GALNT16: variants seen among roughly 807,000 people sequenced by gnomAD.
GALNT16 encodes the protein UDP-GalNAc:polypeptide N-acetylgalactosaminyltransferase-like protein 1.
GALNT16 carries 40 observed loss-of-function variants against 76.1 expected under a neutral mutation model. The observed-to-expected ratio is 0.53, with a 90% CI of 0.41 to 0.68. GALNT16 has a LOEUF of 0.68. Ranked by LOEUF, GALNT16 falls within the 30% of genes least tolerant of loss-of-function variation. The pLI is 0.00. For missense variants in GALNT16, 621 were observed against 731.9 expected, an observed-to-expected ratio of 0.85 and a Z score of 1.75; for synonymous variants, 276 against 285.2, an observed-to-expected ratio of 0.97 and a Z score of 0.32.
intron 1 of GALNT16, among the ~76,000 whole-genome samples, chr14:69,318,460 C>T (rs1378180577): frequency 6.6e-6 from 1 of 152,028 alleles, no homozygotes; most frequent in Non-Finnish European, 1.5e-5. Context: ...ATAGGAGGCG[C>T]TTGGTGGAGC....
chr14:69,260,180 C>T lies in GALNT16; in HGVS notation c.-111C>T. ...TCTCTCCTTTTTCTGCTCTGCAGGA[C>T]TGAGCAGCTAGGCGCGAGCGAAAAC... On this transcript the variant is annotated 5_prime_UTR_variant, in exon 1 of 15. Coordinates refer to ENST00000448469, the MANE Select transcript of GALNT16 (RefSeq NM_001168368.2). 2 of 443,300 alleles carry T rather than the reference C, an allele frequency of 4.5e-6. No homozygotes were observed. The highest frequency in any genetic ancestry group is 1.7e-5 in the South Asian group (1 of 60,420). The allele number at this position is 443,300 out of a possible 1,614,324, so 27.5% of individuals were successfully genotyped here. A position where few individuals can be genotyped will look rare whatever the true frequency, so the allele number is the denominator to read the frequency against.
chr14:69,318,971 C>T (rs1380407352), intron 1 of GALNT16, among the ~76,000 whole-genome samples: 2 of 152,244 alleles, frequency 1.3e-5, no homozygotes, highest in Non-Finnish European at 2.9e-5. Flanking sequence ...TCCTTCCTTC[C>T]TTCCATCTTC....
intron 1 of GALNT16, among the ~76,000 whole-genome samples, chr14:69,263,896 T>C (rs986430703): frequency 1.3e-5 from 2 of 152,226 alleles, no homozygotes; most frequent in African/African-American, 4.8e-5. Flanking sequence ...CTGTACCCGA[T>C]GCAGCGAGGC....
chr14:69,343,129 T>C (rs1016658746), intron 12 of GALNT16, among the ~76,000 whole-genome samples: 3 of 152,236 alleles, frequency 2.0e-5, no homozygotes, highest in African/African-American at 7.2e-5. Context: ...GCCTCAATCA[T>C]GTCTAAAAGC....
the GALNT16 span, among the ~76,000 whole-genome samples, chr14:69,371,142 A>G: frequency 2.0e-5 from 3 of 152,222 alleles, no homozygotes; most frequent in Non-Finnish European, 2.9e-5. Flanking sequence ...TTGCCTGAGC[A>G]GCTGGTGACT....
At chr14:69,365,769 C>G in the GALNT16 span, among the ~76,000 whole-genome samples, 9 of 150,104 alleles carry the variant, frequency 6.0e-5, no homozygotes, top group Non-Finnish European at 1.3e-4. Flanking sequence ...GCACATGTAC[C>G]CCTGAGCTTA....
intron 12 of GALNT16, among the ~76,000 whole-genome samples, chr14:69,342,952 T>C (rs1401846008): frequency 6.6e-6 from 1 of 152,340 alleles, no homozygotes; most frequent in African/African-American, 2.4e-5. Flanking sequence ...CGGCATTATC[T>C]GGCCAATTAA....
At chr14:69,382,557 G>T in the GALNT16 span, among the ~76,000 whole-genome samples, 6 of 151,998 alleles carry the variant, frequency 3.9e-5, no homozygotes, top group Non-Finnish European at 8.8e-5. Context: ...AGTAGGCCAG[G>T]TGCCAGTGGC....
chr14:69,318,776 T>A (rs754557152), intron 1 of GALNT16, among the ~76,000 whole-genome samples: 4 of 152,238 alleles, frequency 2.6e-5, no homozygotes, highest in African/African-American at 4.8e-5. Context: ...TTTCTTTAAT[T>A]TTAGCTCCTT....
Position 69,339,589 on chromosome 14 carries a change from G to A in GALNT16, c.1157G>A (p.Arg386Gln), listed in dbSNP as rs2045458915. ...TACAAGCAATACTACTATGAGGCCC[G>A]GCCCTCGGCCATCGGGAAGGCCTTC... ...DEYKQYYYEA[R>Q]PSAIGKAFGS... The change falls in exon 11 of 15, where the codon CGG becomes CAG. Residue 386 changes from arginine to glutamine, a missense_variant. Physicochemically the swap from Arg to Gln is conservative, Grantham distance 43. Coordinates refer to ENST00000448469, the MANE Select transcript of GALNT16 (RefSeq NM_001168368.2). 1.2e-6 allele frequency: 2 copies of A among 1,609,796 alleles called. No homozygotes were observed. Among genetic ancestry groups the A allele is most frequent in the Non-Finnish European group, 1.7e-6 (2 of 1,177,366 alleles).
chr14:69,264,809 C>CTTTTTTTTTTTTTTT (rs2044320233), intron 1 of GALNT16, among the ~76,000 whole-genome samples: 1 of 54,364 alleles, frequency 1.8e-5, no homozygotes, highest in Non-Finnish European at 2.9e-5. Context: ...TTTCTCTTTT[C>CTTTTTTTTTTTTTTT]TTTTTCTTTC....
At chr14:69,336,859 G>A (rs1040545789) in intron 9 of GALNT16, among the ~76,000 whole-genome samples, 2 of 151,864 alleles carry the variant, frequency 1.3e-5, no homozygotes, top group Non-Finnish European at 2.9e-5. Flanking sequence ...CAAATAGCTG[G>A]GACTACAGGT....
At chr14:69,273,415 T>A (rs2044431189) in intron 1 of GALNT16, among the ~76,000 whole-genome samples, 1 of 152,134 alleles carries the variant, frequency 6.6e-6, no homozygotes, top group Admixed American at 6.6e-5. Flanking sequence ...TGGAGCACTG[T>A]GGTGAGGATT....
At chr14:69,307,292 T>G (rs2044949987) in intron 1 of GALNT16, among the ~76,000 whole-genome samples, 1 of 152,196 alleles carries the variant, frequency 6.6e-6, no homozygotes, top group Non-Finnish European at 1.5e-5. Context: ...CTCGAGCAGC[T>G]ACTGTGTGCC....
At chr14:69,375,105 A>T in the GALNT16 span, among the ~76,000 whole-genome samples, 1 of 152,296 alleles carries the variant, frequency 6.6e-6, no homozygotes, top group South Asian at 2.1e-4. Flanking sequence ...TAGGATTGTT[A>T]TGTCTCTTGA....
intron 2 of GALNT16, among the ~76,000 whole-genome samples, chr14:69,322,620 G>T (rs1004736669): frequency 2.6e-5 from 4 of 152,178 alleles, no homozygotes; most frequent in African/African-American, 9.7e-5. Flanking sequence ...GGCCAGGCAC[G>T]GTGGCTCACA....
At chr14:69,369,715 C>T in the GALNT16 span, among the ~76,000 whole-genome samples, 1 of 152,228 alleles carries the variant, frequency 6.6e-6, no homozygotes, top group Non-Finnish European at 1.5e-5. Context: ...ACACAACCAC[C>T]TCAGGGACTA....
intron 1 of GALNT16, among the ~76,000 whole-genome samples, chr14:69,298,925 C>T (rs562150985): frequency 2.0e-5 from 3 of 152,364 alleles, no homozygotes; most frequent in Admixed American, 1.3e-4. Flanking sequence ...TCCCGACACT[C>T]AACTCTGGAC....
At chr14:69,268,227 C>T (rs1594808640) in intron 1 of GALNT16, among the ~76,000 whole-genome samples, 1 of 152,194 alleles carries the variant, frequency 6.6e-6, no homozygotes, top group Non-Finnish European at 1.5e-5. Flanking sequence ...ACAAAGACCC[C>T]TTTGCAGAGC....
Sources: gnomAD v4.1 joint callset for allele counts (sites outside exome capture counted in the v4.1 genomes callset) on GRCh38, gnomAD v4.1.1 for gene constraint, MANE v1.5 for transcripts, NCBI Gene and HGNC (gene_info 2026-07-23, HGNC 2026-07-21) for gene names.